Variants in UBE3B observed in about 807,000 individuals in gnomAD.
The protein encoded by UBE3B is ubiquitin-protein ligase E3B.
UBE3B carries 80 observed loss-of-function variants against 132.3 expected under a neutral mutation model. The ratio of observed to expected loss-of-function variants is 0.60; its 90% CI spans 0.50 to 0.73. UBE3B has a LOEUF of 0.73. Ranked by LOEUF, UBE3B falls within the 30% of genes least tolerant of loss-of-function variation. The probability of loss-of-function intolerance (pLI) is 0.00; values close to 1 mark genes in which losing one functional copy is unlikely to be tolerated. For synonymous variants in UBE3B, 487 were observed against 520.4 expected (o/e 0.94, Z 0.87); for missense variants, 1,196 against 1,362.5 (o/e 0.88, Z 1.92).
At chr12:109,493,906 G>A (rs1210612574) in intron 9 of UBE3B, among the ~76,000 whole-genome samples, 1 of 152,182 alleles carries the variant, frequency 6.6e-6, no homozygotes, top group Non-Finnish European at 1.5e-5. Context: ...GCTCACTGCA[G>A]CCTCAAACTC....
In UBE3B at chr12:109,534,765, G is replaced by A; in HGVS notation, c.3190G>A (p.Gly1064Ser). 1 of 1,563,848 alleles carries A rather than the reference G, an allele frequency of 6.4e-7. No homozygotes were observed. Among genetic ancestry groups the A allele is most frequent in the Non-Finnish European group, 8.7e-7 (1 of 1,154,130 alleles). ...KLRYAISMNT[G>S]FELS Reference sequence around the variant, plus strand: ...GCGCTACGCCATCAGCATGAACACGGGCTTTGAACTCTCCTAGCTCCTGTC... The same window carrying A: ...GCGCTACGCCATCAGCATGAACACGAGCTTTGAACTCTCCTAGCTCCTGTC... The change falls in exon 28 of 28, where the codon GGC becomes AGC. Residue 1064 changes from glycine (G) to serine (S), a missense_variant. Gly to Ser is a moderately conservative substitution (Grantham distance 56). Transcript: ENST00000342494. This position sits in a 1 kb window ranked among gnomAD's most constrained non-coding sequence, Gnocchi z 5.2.
intron 15 of UBE3B, 44 bp downstream of exon 15, chr12:109,507,779 G>T (rs1879874990): frequency 1.3e-6 from 2 of 1,584,810 alleles, no homozygotes; most frequent in South Asian, 2.3e-5. Context: ...CTAGAATATG[G>T]AGAGACCAAA....
At chr12:109,486,217 T>C (rs1008341228) in intron 5 of UBE3B, 146 bp downstream of exon 5, 6 of 906,740 alleles carry the variant, frequency 6.6e-6, no homozygotes, top group Admixed American at 5.4e-5. Flanking sequence ...GTACAAATGA[T>C]TCCTTAGTTT....
chr12:109,486,529 T>A lies in UBE3B; in HGVS notation c.401T>A (p.Ile134Asn), dbSNP rs1391303373. 1 of 1,522,794 alleles carries A rather than the reference T, an allele frequency of 6.6e-7. No homozygotes were observed. The highest frequency in any genetic ancestry group is 2.6e-5 in the East Asian group (1 of 38,096). The allele number at this position is 1,522,794 out of a possible 1,614,324, so 94.3% of individuals were successfully genotyped here. A position where few individuals can be genotyped will look rare whatever the true frequency, so the allele number is the denominator to read the frequency against. Residue 134 changes from isoleucine to asparagine, a missense_variant, in exon 6 of 28, where the codon ATC becomes AAC. Transcript: ENST00000342494. ...KDLTLLWIQQ[I>N]KNILWYCCDF... ...CTCACCCTCCTTTGGATTCAACAGA[T>A]CAAGAACATTTTGTGGTACTGCTGT...
intron 13 of UBE3B, 99 bp downstream of exon 13, chr12:109,501,633 TCTAA>T: frequency 3.5e-6 from 5 of 1,408,504 alleles, no homozygotes; most frequent in Non-Finnish European, 4.8e-6. Context: ...TGTGGGATGC[TCTAA>T]CTTTGTTTTT....
chr12:109,530,534 GT>G lies in UBE3B; in HGVS notation c.2811-12del. The G allele has an allele frequency of 6.2e-7, 1 of 1,612,802 alleles. No homozygotes were observed. The highest frequency in any genetic ancestry group is 1.1e-5 in the South Asian group (1 of 91,058). ...CTAGCACATTGCTGAGCCCAGGTCT[GT>G]ATTGCTTTCAGGAAGCACACAGTCT... On this transcript the variant is annotated splice_polypyrimidine_tract_variant and intron_variant, in intron 25 of 27. Coordinates refer to ENST00000342494, the MANE Select transcript of UBE3B (RefSeq NM_130466.4).
At chr12:109,510,593 G>A (rs920557624) in intron 17 of UBE3B, 135 bp downstream of exon 17, 19 of 694,318 alleles carry the variant, frequency 2.7e-5, no homozygotes, top group Non-Finnish European at 4.2e-5. Flanking sequence ...TTTGTGTAAA[G>A]AGAGCTGCTG....
chr12:109,521,210 G>A lies in UBE3B; in HGVS notation c.2139G>A (p.Lys713=), dbSNP rs145569956. ...QHAMKGVIRV[K]FVNDLGVDEA... ...CCATGAAGGGGGTCATCCGTGTGAAGTTTGTCAATGACCTCGGGGTGGACG... is the reference window on the plus strand; with the variant it reads ...CCATGAAGGGGGTCATCCGTGTGAAATTTGTCAATGACCTCGGGGTGGACG... Residue 713 remains lysine, a synonymous_variant, in exon 20 of 28, where the codon AAG becomes AAA. Transcript: ENST00000342494. This position sits in a 1 kb window ranked among gnomAD's most constrained non-coding sequence, Gnocchi z 4.2. 1.2e-6 allele frequency: 2 copies of A among 1,614,246 alleles called. No homozygotes were observed. The highest frequency in any genetic ancestry group is 1.7e-6 in the Non-Finnish European group (2 of 1,180,036).
intron 15 of UBE3B, chr12:109,508,614 T>G: frequency 1.0e-6 from 1 of 985,570 alleles, no homozygotes; most frequent in Non-Finnish European, 1.2e-6. Context: ...ATCAGGGACA[T>G]GTAGGTGGCA....
intron 6 of UBE3B, 107 bp downstream of exon 6, chr12:109,486,682 T>G (rs1876525998): frequency 1.1e-6 from 1 of 902,164 alleles, no homozygotes. Flanking sequence ...TCAACGAGAG[T>G]TGCTAGTTGA....
rs926539450 is a variant in UBE3B, at chr12:109,491,275, C to T, written c.713+148C>T. The T allele has an allele frequency of 1.0e-5, 6 of 592,182 alleles. No homozygotes were observed. In the African/African-American group the frequency reaches 1.1e-4, roughly 11 times the overall value. 36.7% of individuals were successfully genotyped at this position (592,182 alleles called of 1,614,324 possible). A position where few individuals can be genotyped will look rare whatever the true frequency, so the allele number is the denominator to read the frequency against. The stretch of plus-strand genomic sequence containing the variant: ...GCATTGTTCTTAATGAAAGTGAGCA[C>T]ATTTGTGACTGCTCAAACTTTTTCT... On this transcript the variant is annotated intron_variant, in intron 9 of 27. Transcript: ENST00000342494.
chr12:109,511,256 G>A lies in UBE3B; in HGVS notation c.1909G>A (p.Ala637Thr). The change falls in exon 18 of 28, where the codon GCA becomes ACA. Residue 637 changes from alanine to threonine, a missense_variant. Coordinates refer to ENST00000342494, the MANE Select transcript of UBE3B (RefSeq NM_130466.4). Reference sequence around the variant, plus strand: ...AGAACTCGACAGGGACAGAAAACGGGCACAGTTGATCCTGCAGTACATCCC... The same window carrying A: ...AGAACTCGACAGGGACAGAAAACGGACACAGTTGATCCTGCAGTACATCCC... The part of the protein sequence containing the change: ...FQELDRDRKR[A>T]QLILQYIPHV... The A allele has an allele frequency of 6.2e-7, 1 of 1,614,170 alleles. No individual in the cohort carries two copies. Among genetic ancestry groups the A allele is most frequent in the Non-Finnish European group, 8.5e-7 (1 of 1,180,020 alleles).
chr12:109,537,072 A>T (rs1406455977), downstream of UBE3B, among the ~76,000 whole-genome samples: 1 of 152,038 alleles, frequency 6.6e-6, no homozygotes, highest in African/African-American at 2.4e-5. Flanking sequence ...CCAGTCGCGA[A>T]CTCAGGGGCT....
At chr12:109,530,462 G>T (rs563805012) in intron 25 of UBE3B, 85 bp from the exon 26 acceptor site, 16 of 1,144,864 alleles carry the variant, frequency 1.4e-5, no homozygotes, top group Non-Finnish European at 2.0e-5. Context: ...AGAGTGGACC[G>T]TGCCAGCTGT....
chr12:109,518,294 G>A (rs760610712), intron 19 of UBE3B, among the ~76,000 whole-genome samples: 6 of 152,150 alleles, frequency 3.9e-5, no homozygotes, highest in Admixed American at 6.5e-5. Context: ...AGAGGCCACC[G>A]CCACTCAGCT....
intron 27 of UBE3B, 137 bp downstream of exon 27, chr12:109,533,695 G>A (rs1284372649): frequency 4.3e-6 from 4 of 931,182 alleles, no homozygotes; most frequent in South Asian, 2.7e-5. Flanking sequence ...CAAGTGAGGA[G>A]GGCCCCACAG....
At chr12:109,525,567 A>G (rs1033909526) in intron 23 of UBE3B, among the ~76,000 whole-genome samples, 4 of 152,204 alleles carry the variant, frequency 2.6e-5, no homozygotes, top group African/African-American at 9.6e-5. Flanking sequence ...TCTTCACAGA[A>G]TTTCTATTAA....
chr12:109,511,433 G>T, intron 18 of UBE3B, 130 bp downstream of exon 18: 1 of 816,318 alleles, frequency 1.2e-6, no homozygotes, highest in South Asian at 1.7e-5. Context: ...GGAAACGGTG[G>T]TTGCTATTAC....
intron 4 of UBE3B, among the ~76,000 whole-genome samples, chr12:109,484,426 C>G (rs1006193953): frequency 2.0e-5 from 3 of 152,126 alleles, no homozygotes; most frequent in Non-Finnish European, 4.4e-5. Context: ...AAGTCTCTCT[C>G]TGTCGCCAGG....
Sources: allele counts gnomAD v4.1 joint callset (sites outside exome capture counted in the v4.1 genomes callset), GRCh38; gene constraint gnomAD v4.1.1; non-coding constraint Gnocchi (gnomAD v3.1); transcripts MANE v1.5; gene names NCBI Gene and HGNC (gene_info 2026-07-23, HGNC 2026-07-21).